AGBL2: variants seen among roughly 807,000 people sequenced by gnomAD.
The protein encoded by AGBL2 is cytosolic carboxypeptidase 2.
Under a neutral mutation model 103.0 loss-of-function variants are expected in AGBL2, and 87 were observed. The observed-to-expected ratio is 0.84, with a 90% CI of 0.71 to 1.01. AGBL2 has a LOEUF of 1.01. Among genes scored for constraint, AGBL2 ranks in the 50% least tolerant of loss-of-function variants. The pLI, the probability that AGBL2 is intolerant of heterozygous loss-of-function variation, is 0.00. For missense variants in AGBL2, 904 were observed against 1,023.5 expected (o/e 0.88, Z 1.59); for synonymous variants, 335 against 356.7 (o/e 0.94, Z 0.69).
chr11:47,693,081 A>G (rs1195855054), intron 8 of AGBL2, among the ~76,000 whole-genome samples: 1 of 152,000 alleles, frequency 6.6e-6, no homozygotes, highest in Non-Finnish European at 1.5e-5. Context: ...CAGCCTCCCA[A>G]AGTGCTGAGT....
At position 47,694,192 on chromosome 11, in the gene AGBL2, A is replaced by ATCATTCAT. The variant is rs1245127147; in HGVS notation, c.695-1944_695-1937dup. On this transcript the variant is annotated intron_variant, in intron 8 of 18. Transcript: ENST00000525123. ...AGCTTGGGTGACAAAGTGAGATCCT[A>ATCATTCAT]TCATTCATTCATTCATTCATTCACT... Among the ~76,000 whole-genome samples, 3 of 151,142 alleles carry ATCATTCAT rather than the reference A, an allele frequency of 2.0e-5. No individual in the cohort carries two copies. The Admixed American group carries it at 2.0e-4, about 10-fold the overall frequency.
intron 9 of AGBL2, among the ~76,000 whole-genome samples, chr11:47,691,542 C>CTA (rs2097445337): frequency 6.8e-6 from 1 of 146,412 alleles, no homozygotes; most frequent in South Asian, 2.2e-4. Flanking sequence ...CCCGTCTCTA[C>CTA]TAAAAATACA....
chr11:47,699,519 C>G lies in AGBL2; in HGVS notation c.621G>C (p.Gln207His). Reference sequence around the variant, plus strand: ...CTGGTACCTTTTCATTTCCTTTAGGCTGATAGAAATATTCTGGTTGAGGTG... The same window carrying G: ...CTGGTACCTTTTCATTTCCTTTAGGGTGATAGAAATATTCTGGTTGAGGTG... The part of the protein sequence containing the change: ...WAPPQPEYFY[Q>H]PKGNEKVPEI... The change falls in exon 8 of 19, where the codon CAG becomes CAC. Residue 207 changes from glutamine to histidine, a missense_variant. Coordinates refer to ENST00000525123, the MANE Select transcript of AGBL2 (RefSeq NM_024783.4). 1 of 1,609,268 alleles carries G rather than the reference C, an allele frequency of 6.2e-7. No homozygotes were observed. Among genetic ancestry groups the G allele is most frequent in the Non-Finnish European group, 8.5e-7 (1 of 1,177,998 alleles).
intron 10 of AGBL2, among the ~76,000 whole-genome samples, chr11:47,686,753 G>A (rs971955765): frequency 2.0e-5 from 3 of 151,628 alleles, no homozygotes; most frequent in Non-Finnish European, 4.4e-5. Context: ...CTGAGGTTAG[G>A]AGTTCGAGAC....
chr11:47,675,168 T>A lies in AGBL2; in HGVS notation c.2147+2103A>T, dbSNP rs1209412103. Among the ~76,000 whole-genome samples the A allele has an allele frequency of 2.2e-4, 33 of 151,090 alleles. 1 individual carries two copies. The Admixed American group carries it at 2.2e-3, about 10-fold the overall frequency. ...ACCTCAGACTTGGACCTCTTCTCTA[T>A]CTGCACTTACTTCCTTGAGATCCCA... On this transcript the variant is annotated intron_variant, in intron 14 of 18. Coordinates refer to ENST00000525123, the MANE Select transcript of AGBL2 (RefSeq NM_024783.4).
rs2097343115 is a variant in AGBL2, at chr11:47,667,046, A to T, written c.2358T>A (p.Ala786=). 1 of 1,606,270 alleles carries T rather than the reference A, an allele frequency of 6.2e-7. No individual in the cohort carries two copies. The highest frequency in any genetic ancestry group is 1.3e-5 in the African/African-American group (1 of 74,360). ...TEDTSEKAGF[A]STLQKQPTFF... ...AGGTTGGCTGCTTTTGCAGAGTAGA[A>T]GCAAATCCTGCCTTTTCCTAGGATT... Residue 786 remains alanine, a synonymous_variant, in exon 17 of 19, where the codon GCT becomes GCA. Transcript: ENST00000525123.
At chr11:47,676,793 G>A (rs1005515083) in intron 14 of AGBL2, among the ~76,000 whole-genome samples, 1 of 134,608 alleles carries the variant, frequency 7.4e-6, no homozygotes, top group African/African-American at 2.8e-5. Flanking sequence ...CAGCCTGGGC[G>A]ACAGAGCGAG....
At chr11:47,698,636 T>C (rs1229064166) in intron 8 of AGBL2, among the ~76,000 whole-genome samples, 2 of 152,204 alleles carry the variant, frequency 1.3e-5, no homozygotes, top group Non-Finnish European at 2.9e-5. Context: ...TCCCTGGCAC[T>C]GGTTCATTTT....
chr11:47,666,608 T>C lies in AGBL2; in HGVS notation c.2448+348A>G, dbSNP rs529905874. 4.1e-5 allele frequency: 21 copies of C among 517,514 alleles called. No homozygotes were observed. The East Asian group carries it at 6.3e-4, about 15-fold the overall frequency. The allele number at this position is 517,514 out of a possible 1,614,324, so 32.1% of individuals were successfully genotyped here. On this transcript the variant is annotated intron_variant, in intron 17 of 18. Coordinates refer to ENST00000525123, the MANE Select transcript of AGBL2 (RefSeq NM_024783.4). ...CATTCACAGCATCCAGTAAAGGGAC[T>C]GGCATGTAGTAGGTGCCCAATAAAA...
intron 11 of AGBL2, among the ~76,000 whole-genome samples, 184 bp downstream of exon 11, chr11:47,685,709 A>G (rs2097420918): frequency 6.6e-6 from 1 of 152,100 alleles, no homozygotes; most frequent in African/African-American, 2.4e-5. Context: ...GGTGTGAGCC[A>G]CTGTGCCTGG....
At chr11:47,702,810 G>A (rs1236475895) in intron 7 of AGBL2, among the ~76,000 whole-genome samples, 2 of 151,930 alleles carry the variant, frequency 1.3e-5, no homozygotes, top group East Asian at 3.9e-4. Flanking sequence ...GGAGGCGGAG[G>A]TTGCAGTGAG....
intron 13 of AGBL2, among the ~76,000 whole-genome samples, chr11:47,678,343 A>ATTAATTTTTTTTTTTTTTTTTTTTTTTT: frequency 8.6e-6 from 1 of 116,876 alleles, no homozygotes; most frequent in Non-Finnish European, 1.9e-5. Context: ...TTATTATTTT[A>ATTAATTTTTTTTTTTTTTTTTTTTTTTT]TTTTTTTTGA....
intron 14 of AGBL2, 79 bp from the exon 15 acceptor site, chr11:47,668,986 G>C (rs1350355860): frequency 3.1e-5 from 30 of 961,646 alleles, no homozygotes; most frequent in Non-Finnish European, 4.3e-5. Flanking sequence ...CAGACCAGCT[G>C]TATGGGATTA....
chr11:47,682,797 T>C (rs2153803741), intron 11 of AGBL2, among the ~76,000 whole-genome samples: 1 of 152,274 alleles, frequency 6.6e-6, no homozygotes, highest in South Asian at 2.1e-4. Flanking sequence ...AAGTATCTCA[T>C]TGTCCAGCGA....
At chr11:47,687,945 T>C (rs535610992) in intron 10 of AGBL2, among the ~76,000 whole-genome samples, 1 of 151,916 alleles carries the variant, frequency 6.6e-6, no homozygotes, top group East Asian at 1.9e-4. Context: ...GTAGCTGGGA[T>C]TACAGGCGTG....
rs764511971 is a variant in AGBL2 at position 47,704,725 on chromosome 11, G to C, written c.404C>G (p.Ser135Ter). 3 of 1,613,148 alleles carry C rather than the reference G, an allele frequency of 1.9e-6. No homozygotes were observed. Among genetic ancestry groups the C allele is most frequent in the Non-Finnish European group, 2.5e-6 (3 of 1,179,660 alleles). ...AAGATGTGGTAAACTCAGCATATGT[G>C]AATCTGCCAAAGGGAAAGAGAGTAA... ...SAFRVAGITD[S>*]HMLSLPHLRS... The change falls in exon 7 of 19, where the codon TCA becomes TGA. Residue 135 changes from serine (S) to a stop codon, truncating the protein, a stop_gained. Coordinates refer to ENST00000525123, the MANE Select transcript of AGBL2 (RefSeq NM_024783.4). LOFTEE classifies it high-confidence loss of function.
intron 17 of AGBL2, among the ~76,000 whole-genome samples, chr11:47,664,038 G>A (rs1367596263): frequency 1.3e-5 from 2 of 149,296 alleles, no homozygotes; most frequent in Admixed American, 1.3e-4. Context: ...TATTTTTAGT[G>A]GAGACAGGGT....
At chr11:47,669,483 C>T (rs1307196056) in intron 14 of AGBL2, among the ~76,000 whole-genome samples, 1 of 151,904 alleles carries the variant, frequency 6.6e-6, no homozygotes, top group Non-Finnish European at 1.5e-5. Context: ...AGTTTGAGAC[C>T]ACCCGGACTA....
In AGBL2 at chr11:47,685,699, G is replaced by T. The variant is rs561794774; in HGVS notation, c.1788+194C>A. ...GGCCCCCCAAAGTGCTGGGATTACA[G>T]GTGTGAGCCACTGTGCCTGGCCCCA... On this transcript the variant is annotated intron_variant, in intron 11 of 18. Transcript: ENST00000525123. Among the ~76,000 whole-genome samples, 7 of 152,184 alleles carry T rather than the reference G, an allele frequency of 4.6e-5. No homozygotes were observed. The South Asian group carries it at 1.5e-3, about 32-fold the overall frequency.
Sources: gnomAD v4.1 joint callset for allele counts (sites outside exome capture counted in the v4.1 genomes callset) on GRCh38, gnomAD v4.1.1 for gene constraint, MANE v1.5 for transcripts, NCBI Gene and HGNC (gene_info 2026-07-23, HGNC 2026-07-21) for gene names.